The following TCF19 variants were observed in gnomAD, a reference collection of about 807,000 sequenced individuals.
The protein encoded by TCF19 is transcription factor SC1.
In TCF19, 9 loss-of-function variants were observed where a neutral mutation model predicts 18.3. The observed-to-expected ratio is 0.49, with a 90% confidence interval of 0.30 to 0.86. TCF19 has a LOEUF of 0.86. Ranked by LOEUF, TCF19 falls within the 40% of genes least tolerant of loss-of-function variation. The pLI, the probability that TCF19 is intolerant of heterozygous loss-of-function variation, is 0.07. For synonymous variants in TCF19, 176 were observed against 185.3 expected, an observed-to-expected ratio of 0.95 and a Z score of 0.41; for missense variants, 376 against 464.3, an observed-to-expected ratio of 0.81 and a Z score of 1.75.
rs1776777156 is a variant in TCF19 at position 31,161,556 on chromosome 6, G to A, written c.348G>A (p.Glu116=). 2 of 1,592,864 alleles carry A rather than the reference G, an allele frequency of 1.3e-6. No individual in the cohort carries two copies. The highest frequency in any genetic ancestry group is 4.5e-5 in the East Asian group (2 of 44,140). The stretch of plus-strand genomic sequence containing the variant: ...GGCCCCCAGGAACCAGCCCCTCGGA[G>A]TTCTACTTCATGTTCCAACAAGTAC... The part of the protein sequence containing the change: ...PEGPPGTSPS[E]FYFMFQQVRV... Residue 116 remains glutamate, a synonymous_variant, in exon 3 of 4, where the codon GAG becomes GAA. Transcript: ENST00000376257.
chr6:31,160,929 G>C (rs1008310501), intron 2 of TCF19, among the ~76,000 whole-genome samples: 3 of 152,002 alleles, frequency 2.0e-5, no homozygotes, highest in Non-Finnish European at 4.4e-5. Context: ...AGGCTGAGGC[G>C]GGCAGATCAG....
In TCF19 at chr6:31,161,444, C is replaced by T; in HGVS notation, c.239-3C>T. ...TATTTGCCTGGTGCCCCACCATCAA[C>T]AGGTACTTTGGTCAATAATGTCCGA... On this transcript the variant is annotated splice_region_variant and splice_polypyrimidine_tract_variant and intron_variant, in intron 2 of 3. Coordinates refer to ENST00000376257, the MANE Select transcript of TCF19 (RefSeq NM_007109.3). 7.3e-7 allele frequency: 1 copy of T among 1,378,826 alleles called. No individual in the cohort carries two copies. The highest frequency in any genetic ancestry group is 2.1e-5 in the South Asian group (1 of 48,436). 85.4% of individuals were successfully genotyped at this position (1,378,826 alleles called of 1,614,324 possible).
rs369152415 is a variant in TCF19 at position 31,162,543 on chromosome 6, C to T, written c.864C>T (p.Gly288=). 4.1e-4 allele frequency: 661 copies of T among 1,612,682 alleles called. 1 individual carries two copies. The highest frequency in any genetic ancestry group is 5.3e-4 in the Non-Finnish European group (622 of 1,179,970). The change falls in exon 4 of 4, where the codon GGC becomes GGT. Residue 288 remains glycine (G), a synonymous_variant. Transcript: ENST00000376257. This position sits in a 1 kb window ranked among gnomAD's most constrained non-coding sequence, Gnocchi z 4.5. ...SAPMAPPAVG[G]GEPCAAPCCC... ...CCATGGCTCCCCCTGCAGTTGGGGG[C>T]GGGGAGCCCTGTGCAGCTCCTTGTT...
At position 31,161,893 on chromosome 6, in the gene TCF19, C is replaced by A; in HGVS notation, c.685C>A (p.Arg229=). 1 of 1,612,982 alleles carries A rather than the reference C, an allele frequency of 6.2e-7. No homozygotes were observed. Among genetic ancestry groups the A allele is most frequent in the Middle Eastern group, 1.7e-4 (1 of 6,060 alleles). Residue 229 remains arginine, a synonymous_variant, in exon 3 of 4, where the codon CGA becomes AGA. Transcript: ENST00000376257. ...ACGCAATCGGAGGAAATCTGTTCAC[C>A]GAGTGTTGGCGGAACTGGATGATGA... ...PQRNRRKSVH[R]VLAELDDESE...
In TCF19 at chr6:31,163,548, AAAGC is replaced by A. The variant is rs1402158706; in HGVS notation, c.*832_*835del. Reference sequence around the variant, plus strand: ...TTCACCTGTACTGTCAGGGCAAGAGAAAGCCTGGTAAACCAGCTACAGCAGTTTA... The same window carrying A: ...TTCACCTGTACTGTCAGGGCAAGAGACTGGTAAACCAGCTACAGCAGTTTA... On this transcript the variant is annotated 3_prime_UTR_variant, in exon 4 of 4. Coordinates refer to ENST00000376257, the MANE Select transcript of TCF19 (RefSeq NM_007109.3). The A allele has an allele frequency of 1.0e-6, 1 of 985,334 alleles. No individual in the cohort carries two copies. The highest frequency in any genetic ancestry group is 1.7e-5 in the African/African-American group (1 of 57,246). The allele number at this position is 985,334 out of a possible 1,614,324, so 61.0% of individuals were successfully genotyped here.
chr6:31,163,143 TACTCTGTGGCTAGTCCTGCTGCCAA>T lies in TCF19; in HGVS notation c.*427_*451del. The stretch of plus-strand genomic sequence containing the variant: ...CTAGGGCCTGGCCCCAAAACTTCCC[TACTCTGTGGCTAGTCCTGCTGCCAA>T]CAAAATCGTAGCGACCTGGCTTTTC... On this transcript the variant is annotated 3_prime_UTR_variant, in exon 4 of 4. Transcript: ENST00000376257. 1 of 1,022,180 alleles carries T rather than the reference TACTCTGTGGCTAGTCCTGCTGCCAA, an allele frequency of 9.8e-7. No homozygotes were observed. Among genetic ancestry groups the T allele is most frequent in the South Asian group, 4.2e-5 (1 of 23,858 alleles). 63.3% of individuals were successfully genotyped at this position (1,022,180 alleles called of 1,614,324 possible). A position where few individuals can be genotyped will look rare whatever the true frequency, so the allele number is the denominator to read the frequency against.
In TCF19 at chr6:31,162,737, A is replaced by T. The variant is rs1387050793; in HGVS notation, c.*20A>T. ...ACCTAAGGTCCACTGCCAAGGCACC[A>T]TCGGACACACCTGCCCATGAGTAGA... is the stretch of plus-strand genomic sequence containing the variant. On this transcript the variant is annotated 3_prime_UTR_variant, in exon 4 of 4. Transcript: ENST00000376257. This position sits in a 1 kb window ranked among gnomAD's most constrained non-coding sequence, Gnocchi z 4.5. 1.2e-6 allele frequency: 2 copies of T among 1,607,120 alleles called. No homozygotes were observed. The highest frequency in any genetic ancestry group is 1.7e-6 in the Non-Finnish European group (2 of 1,179,422).
rs185268335 is a variant in TCF19, at chr6:31,163,540, G to C, written c.*823G>C. On this transcript the variant is annotated 3_prime_UTR_variant, in exon 4 of 4. Coordinates refer to ENST00000376257, the MANE Select transcript of TCF19 (RefSeq NM_007109.3). ...TTACAGGCTTCACCTGTACTGTCAG[G>C]GCAAGAGAAAGCCTGGTAAACCAGC... 4.8e-5 allele frequency: 47 copies of C among 985,396 alleles called. 1 individual carries two copies. The Admixed American group carries it at 2.7e-3, about 57-fold the overall frequency. The allele number at this position is 985,396 out of a possible 1,614,324, so 61.0% of individuals were successfully genotyped here.
Position 31,162,062 on chromosome 6 carries a change from A to G in TCF19, c.797+57A>G. 1.3e-6 allele frequency: 2 copies of G among 1,523,986 alleles called. No homozygotes were observed. The highest frequency in any genetic ancestry group is 2.6e-5 in the South Asian group (2 of 77,666). The allele number at this position is 1,523,986 out of a possible 1,614,324, so 94.4% of individuals were successfully genotyped here. Reference sequence around the variant, plus strand: ...GTTTTACTGCTTTTCGATTCCTTGTATCCCTAGGCTGTGAGGAGGTCCCCC... The same window carrying G: ...GTTTTACTGCTTTTCGATTCCTTGTGTCCCTAGGCTGTGAGGAGGTCCCCC... On this transcript the variant is annotated intron_variant, in intron 3 of 3. Coordinates refer to ENST00000376257, the MANE Select transcript of TCF19 (RefSeq NM_007109.3). This position sits in a 1 kb window ranked among gnomAD's most constrained non-coding sequence, Gnocchi z 4.5.
rs1466966933 is a variant in TCF19, at chr6:31,159,509, A to T, written c.40A>T (p.Arg14Trp). 6.3e-7 allele frequency: 1 copy of T among 1,593,122 alleles called. No individual in the cohort carries two copies. Among genetic ancestry groups the T allele is most frequent in the Admixed American group, 1.7e-5 (1 of 57,160 alleles). The change falls in exon 2 of 4, where the codon AGG (arginine) becomes TGG (tryptophan). Residue 14 changes from arginine to tryptophan, a missense_variant. Physicochemically the swap from Arg to Trp is moderately radical, Grantham distance 101. Transcript: ENST00000376257. ...CFQLLRIGGG[R>W]GGDLYTFHPP... is the part of the protein sequence containing the mutation. ...CCAACTGCTGCGCATAGGGGGCGGCAGGGGCGGTGATCTCTACACCTTCCA... is the reference window on the plus strand; with the variant it reads ...CCAACTGCTGCGCATAGGGGGCGGCTGGGGCGGTGATCTCTACACCTTCCA...
At chr6:31,159,834 C>A in intron 2 of TCF19, 127 bp downstream of exon 2, 1 of 957,252 alleles carries the variant, frequency 1.0e-6, no homozygotes, top group Non-Finnish European at 1.6e-6. Context: ...TGGTCGTGGT[C>A]CAGACCTTCA....
In TCF19 at chr6:31,162,213, A is replaced by G. The variant is rs1380746440; in HGVS notation, c.797+208A>G. On this transcript the variant is annotated intron_variant, in intron 3 of 3. Coordinates refer to ENST00000376257, the MANE Select transcript of TCF19 (RefSeq NM_007109.3). This position sits in a 1 kb window ranked among gnomAD's most constrained non-coding sequence, Gnocchi z 4.5. ...TGGGGTGGGGCAGTGCTTATAAAACAACCGGAGTGAGCATGTCCTGCTTTT... is the reference window on the plus strand; with the variant it reads ...TGGGGTGGGGCAGTGCTTATAAAACGACCGGAGTGAGCATGTCCTGCTTTT... Among the ~76,000 whole-genome samples, 1 of 152,166 alleles carries G rather than the reference A, an allele frequency of 6.6e-6. No individual in the cohort carries two copies. Among genetic ancestry groups the G allele is most frequent in the Non-Finnish European group, 1.5e-5 (1 of 68,018 alleles).
chr6:31,159,319 A>C lies in TCF19; in HGVS notation c.-151A>C. The C allele has an allele frequency of 1.4e-6, 1 of 720,852 alleles. No homozygotes were observed. The highest frequency in any genetic ancestry group is 2.3e-6 in the Non-Finnish European group (1 of 435,192). 44.7% of individuals were successfully genotyped at this position (720,852 alleles called of 1,614,324 possible). ...CTTGCACTCTGAATTTGGGCTATTC[A>C]GGTAGTGTGCTCAAAGTTGAAACCG... is the stretch of plus-strand genomic sequence containing the variant. On this transcript the variant is annotated 5_prime_UTR_variant, in exon 2 of 4. Coordinates refer to ENST00000376257, the MANE Select transcript of TCF19 (RefSeq NM_007109.3).
rs1415587486 is a variant in TCF19, at chr6:31,159,433, C to T, written c.-37C>T. Reference sequence around the variant, plus strand: ...CAGGAGTGGGAAAGGAAATGGATGCCTGAAGTGGAAGAGGTGGTGCAGAGG... The same window carrying T: ...CAGGAGTGGGAAAGGAAATGGATGCTTGAAGTGGAAGAGGTGGTGCAGAGG... On this transcript the variant is annotated 5_prime_UTR_variant, in exon 2 of 4. Coordinates refer to ENST00000376257, the MANE Select transcript of TCF19 (RefSeq NM_007109.3). The T allele has an allele frequency of 6.7e-7, 1 of 1,497,258 alleles. No homozygotes were observed. Among genetic ancestry groups the T allele is most frequent in the Non-Finnish European group, 9.0e-7 (1 of 1,112,916 alleles). 92.7% of individuals were successfully genotyped at this position (1,497,258 alleles called of 1,614,324 possible).
intron 2 of TCF19, 92 bp downstream of exon 2, chr6:31,159,799 C>T (rs1776635999): frequency 7.8e-7 from 1 of 1,278,946 alleles, no homozygotes. Flanking sequence ...TGCCTGCCTC[C>T]CATACTCCCA....
At position 31,163,729 on chromosome 6, in the gene TCF19, T is replaced by G. The variant is rs1366140214; in HGVS notation, c.*1012T>G. 1 of 985,364 alleles carries G rather than the reference T, an allele frequency of 1.0e-6. No individual in the cohort carries two copies. Among genetic ancestry groups the G allele is most frequent in the African/African-American group, 1.7e-5 (1 of 57,246 alleles). The allele number at this position is 985,364 out of a possible 1,614,324, so 61.0% of individuals were successfully genotyped here. ...AGCCTTACACCAAGCCAAACTATTG[T>G]CAAAGCATCATTTCTATAGAAATAA... On this transcript the variant is annotated 3_prime_UTR_variant, in exon 4 of 4. Transcript: ENST00000376257.
intron 2 of TCF19, 150 bp downstream of exon 2, chr6:31,159,857 A>G: frequency 1.2e-6 from 1 of 826,412 alleles, no homozygotes; most frequent in Non-Finnish European, 1.9e-6. Context: ...TTCCCACCAG[A>G]AGTGTGCACA....
chr6:31,161,749 A>G lies in TCF19; in HGVS notation c.541A>G (p.Ser181Gly). ...CACACTGATCCTAAACTCCATAGGC[A>G]GCCTCAGCAAGCTCCGGCCCCAGCC... ...KATLILNSIG[S>G]LSKLRPQPLT... The change falls in exon 3 of 4, where the codon AGC becomes GGC. Residue 181 changes from serine to glycine, a missense_variant. Coordinates refer to ENST00000376257, the MANE Select transcript of TCF19 (RefSeq NM_007109.3). The G allele has an allele frequency of 1.3e-6, 2 of 1,588,448 alleles. No homozygotes were observed. Among genetic ancestry groups the G allele is most frequent in the Non-Finnish European group, 1.7e-6 (2 of 1,167,360 alleles).
Position 31,162,835 on chromosome 6 carries a change from A to C in TCF19, c.*118A>C. Reference sequence around the variant, plus strand: ...TCCCCAGGAGGGAATGACTACAGGGAAGAAGGATGGATTGATGTGGACTCA... The same window carrying C: ...TCCCCAGGAGGGAATGACTACAGGGCAGAAGGATGGATTGATGTGGACTCA... On this transcript the variant is annotated 3_prime_UTR_variant, in exon 4 of 4. Coordinates refer to ENST00000376257, the MANE Select transcript of TCF19 (RefSeq NM_007109.3). This position sits in a 1 kb window ranked among gnomAD's most constrained non-coding sequence, Gnocchi z 4.5. 1 of 1,467,742 alleles carries C rather than the reference A, an allele frequency of 6.8e-7. No homozygotes were observed. Among genetic ancestry groups the C allele is most frequent in the Non-Finnish European group, 9.0e-7 (1 of 1,114,362 alleles). 90.9% of individuals were successfully genotyped at this position (1,467,742 alleles called of 1,614,324 possible).
Sources: allele counts gnomAD v4.1 joint callset (sites outside exome capture counted in the v4.1 genomes callset), GRCh38; gene constraint gnomAD v4.1.1; non-coding constraint Gnocchi (gnomAD v3.1); transcripts MANE v1.5; gene names NCBI Gene and HGNC (gene_info 2026-07-23, HGNC 2026-07-21).